Variants in GRIP1 observed in about 807,000 individuals in gnomAD.
The protein encoded by GRIP1 is glutamate receptor interacting protein 1, also known as glutamate receptor-interacting protein 1.
A neutral mutation model predicts 129.9 loss-of-function variants in GRIP1; 45 were observed. That is an observed-to-expected ratio of 0.35 (90% CI 0.27 to 0.44). The LOEUF (loss-of-function observed/expected upper bound fraction) is 0.44. Among genes scored for constraint, GRIP1 ranks in the 20% least tolerant of loss-of-function variants. The pLI, the probability that GRIP1 is intolerant of heterozygous loss-of-function variation, is 1.00. For missense variants in GRIP1, 1,196 were observed against 1,396.8 expected (o/e 0.86, Z 2.29); for synonymous variants, 530 against 520.8 (o/e 1.02, Z -0.24).
intron 1 of GRIP1, among the ~76,000 whole-genome samples, chr12:67,048,810 G>A (rs888905449): frequency 2.0e-5 from 3 of 152,082 alleles, no homozygotes; most frequent in Non-Finnish European, 4.4e-5. Flanking sequence ...TTCTCTCTTT[G>A]CCTGCCACCA....
At chr12:66,888,860 GAATA>G (rs370651394) in intron 1 of GRIP1, among the ~76,000 whole-genome samples, 2 of 152,216 alleles carry the variant, frequency 1.3e-5, no homozygotes, top group African/African-American at 4.8e-5. Context: ...AAATATCATT[GAATA>G]AATAAATAAA....
intron 15 of GRIP1, among the ~76,000 whole-genome samples, chr12:66,410,181 C>T (rs184400788): frequency 1.3e-3 from 161 of 119,306 alleles, no homozygotes; most frequent in African/African-American, 4.7e-3. Flanking sequence ...ACCCGGGAGG[C>T]GGAGCTTGCA....
intron 2 of GRIP1, among the ~76,000 whole-genome samples, chr12:66,564,350 C>T (rs1313041670): frequency 1.4e-5 from 2 of 145,540 alleles, no homozygotes; most frequent in East Asian, 4.1e-4. Flanking sequence ...TTGTTTAGTT[C>T]CCACCTATGA....
At chr12:66,973,921 T>TTTC (rs1250164275) in intron 1 of GRIP1, among the ~76,000 whole-genome samples, 18 of 138,808 alleles carry the variant, frequency 1.3e-4, no homozygotes, top group Non-Finnish European at 2.3e-4. Flanking sequence ...TTTCTTTTCT[T>TTTC]TTTTTTTTTT....
intron 7 of GRIP1, among the ~76,000 whole-genome samples, chr12:66,488,175 C>T (rs2060007651): frequency 6.6e-6 from 1 of 152,194 alleles, no homozygotes; most frequent in Non-Finnish European, 1.5e-5. Context: ...ACAGAATATA[C>T]ATTCTTCTCA....
At chr12:66,503,982 C>T (rs1428906763) in intron 7 of GRIP1, among the ~76,000 whole-genome samples, 2 of 152,104 alleles carry the variant, frequency 1.3e-5, no homozygotes, top group East Asian at 3.9e-4. Context: ...ACAAAAAGGT[C>T]ATTGTGTAGA....
At chr12:66,764,647 T>C (rs775674837) in intron 1 of GRIP1, among the ~76,000 whole-genome samples, 1 of 152,200 alleles carries the variant, frequency 6.6e-6, no homozygotes, top group Admixed American at 6.5e-5. Flanking sequence ...TTAAGACCTA[T>C]TAAAATTCAG....
At chr12:66,520,186 T>C (rs989054603) in intron 5 of GRIP1, among the ~76,000 whole-genome samples, 2 of 152,216 alleles carry the variant, frequency 1.3e-5, no homozygotes, top group Non-Finnish European at 2.9e-5. Context: ...TTTCTATTGA[T>C]CTAAGTTTAG....
At chr12:66,764,051 TG>T (rs1199418973) in intron 1 of GRIP1, among the ~76,000 whole-genome samples, 2 of 152,174 alleles carry the variant, frequency 1.3e-5, no homozygotes, top group African/African-American at 4.8e-5. Flanking sequence ...GCTGTGCAGC[TG>T]TGAACAAGAG....
intron 2 of GRIP1, among the ~76,000 whole-genome samples, chr12:66,577,596 T>C (rs1021286218): frequency 6.6e-6 from 1 of 152,162 alleles, no homozygotes; most frequent in African/African-American, 2.4e-5. Context: ...TTGACAAACA[T>C]GGGTTGCACT....
At chr12:66,912,693 G>A (rs1278630639) in intron 1 of GRIP1, among the ~76,000 whole-genome samples, 1 of 152,008 alleles carries the variant, frequency 6.6e-6, no homozygotes, top group Non-Finnish European at 1.5e-5. Context: ...ACAATGTTAT[G>A]TATTACATAT....
chr12:66,892,544 A>G (rs891225872), intron 1 of GRIP1, among the ~76,000 whole-genome samples: 5 of 151,934 alleles, frequency 3.3e-5, no homozygotes, highest in African/African-American at 1.2e-4. Flanking sequence ...TAAATGAGAG[A>G]CCTTTTCAGG....
At chr12:66,667,911 CA>C (rs1354421277) in intron 1 of GRIP1, among the ~76,000 whole-genome samples, 4 of 152,164 alleles carry the variant, frequency 2.6e-5, no homozygotes, top group Admixed American at 1.3e-4. Flanking sequence ...TCTGTGGTTC[CA>C]TGGCCAGGAA....
intron 5 of GRIP1, among the ~76,000 whole-genome samples, chr12:66,523,911 A>T (rs934837485): frequency 3.9e-5 from 6 of 152,218 alleles, no homozygotes; most frequent in Non-Finnish European, 8.8e-5. Context: ...TTAAACCAAC[A>T]AAGATCAAAA....
rs183146977 is a variant in GRIP1 at position 66,738,724 on chromosome 12, A to C, written c.-420+65329T>G. Reference sequence around the variant, plus strand: ...CAGGGGACAGTTGATGGGGGCTTACATTAGCATGCCAGCTGTGAGAAGGAA... The same window carrying C: ...CAGGGGACAGTTGATGGGGGCTTACCTTAGCATGCCAGCTGTGAGAAGGAA... On this transcript the variant is annotated intron_variant, in intron 1 of 4. Transcript: ENST00000538373. Among the ~76,000 whole-genome samples the C allele has an allele frequency of 9.7e-4, 147 of 152,326 alleles. 1 individual carries two copies. The Middle Eastern group carries it at 0.017, about 18-fold the overall frequency.
intron 14 of GRIP1, among the ~76,000 whole-genome samples, chr12:66,427,397 GCAC>G (rs1408784348): frequency 6.6e-6 from 1 of 152,004 alleles, no homozygotes; most frequent in Non-Finnish European, 1.5e-5. Flanking sequence ...AGCCTGCTGA[GCAC>G]CACCCCCCAA....
chr12:67,060,462 A>C (rs1452310220), intron 1 of GRIP1, among the ~76,000 whole-genome samples: 1 of 152,148 alleles, frequency 6.6e-6, no homozygotes, highest in Non-Finnish European at 1.5e-5. Flanking sequence ...GTTGTACGAG[A>C]GCTATAAGCA....
chr12:66,708,053 T>C (rs557854786), intron 1 of GRIP1, among the ~76,000 whole-genome samples: 2 of 152,164 alleles, frequency 1.3e-5, no homozygotes, highest in Non-Finnish European at 2.9e-5. Context: ...ATTCTAATAA[T>C]GCTGTTAATA....
At position 66,348,948 on chromosome 12, in the gene GRIP1, T is replaced by G. The variant is rs2054098017; in HGVS notation, c.*71A>C. On this transcript the variant is annotated 3_prime_UTR_variant, in exon 25 of 25. Transcript: ENST00000359742. ...TGATTGATTATCTGTGCTTCAAAGG[T>G]CACAGAAATCTTAAAGGATTTTTAG... 2.8e-6 allele frequency: 3 copies of G among 1,074,772 alleles called. No individual in the cohort carries two copies. Among genetic ancestry groups the G allele is most frequent in the Non-Finnish European group, 4.4e-6 (3 of 687,078 alleles). The allele number at this position is 1,074,772 out of a possible 1,614,324, so 66.6% of individuals were successfully genotyped here. A position where few individuals can be genotyped will look rare whatever the true frequency, so the allele number is the denominator to read the frequency against.
Sources: allele counts gnomAD v4.1 joint callset (sites outside exome capture counted in the v4.1 genomes callset), GRCh38; gene constraint gnomAD v4.1.1; transcripts MANE v1.5; gene names NCBI Gene and HGNC (gene_info 2026-07-23, HGNC 2026-07-21).